The following SUMF1 variants were observed in gnomAD, a reference collection of about 807,000 sequenced individuals.
The protein encoded by SUMF1 is sulfatase modifying factor 1, also known as formylglycine-generating enzyme.
In SUMF1, 48 loss-of-function variants were observed where a neutral mutation model predicts 47.6. The ratio of observed to expected loss-of-function variants is 1.01; its 90% CI spans 0.80 to 1.28. The LOEUF is 1.28. Among genes scored for constraint, SUMF1 ranks in the 50% most tolerant of loss-of-function variants. SUMF1 has a pLI of 0.00. For synonymous variants in SUMF1, 230 were observed against 192.1 expected (o/e 1.20, Z -1.63); for missense variants, 571 against 485.4 (o/e 1.18, Z -1.66).
chr3:4,464,740 G>C (rs573122221), intron 1 of SUMF1, among the ~76,000 whole-genome samples: 3 of 152,302 alleles, frequency 2.0e-5, no homozygotes, highest in South Asian at 4.1e-4. Context: ...AAGGAAAATA[G>C]AGAGATTAAG....
At chr3:4,306,550 T>G (rs1698198767) in intron 8 of SUMF1, among the ~76,000 whole-genome samples, 2 of 152,150 alleles carry the variant, frequency 1.3e-5, no homozygotes, top group South Asian at 4.1e-4. Flanking sequence ...AAAGTTAGAG[T>G]TACAAAAATA....
intron 3 of SUMF1, among the ~76,000 whole-genome samples, chr3:4,430,521 C>T (rs1018670326): frequency 6.6e-6 from 1 of 152,074 alleles, no homozygotes; most frequent in African/African-American, 2.4e-5. Flanking sequence ...ATAACAAGCA[C>T]TCAACATGTA....
chr3:4,410,207 TTGTATACATTC>T (rs1286025227), intron 7 of SUMF1, among the ~76,000 whole-genome samples: 2 of 152,246 alleles, frequency 1.3e-5, no homozygotes, highest in Admixed American at 1.3e-4. Context: ...GTGTCTCAAT[TTGTATACATTC>T]TGCTGGGGTA....
At chr3:4,386,106 T>C (rs144916050) in intron 7 of SUMF1, among the ~76,000 whole-genome samples, 2 of 152,328 alleles carry the variant, frequency 1.3e-5, no homozygotes, top group Non-Finnish European at 2.9e-5. Context: ...GTTTTAGCAA[T>C]TCTAGTTCCT....
At chr3:4,223,729 G>A (rs1289323757) in intron 8 of SUMF1, among the ~76,000 whole-genome samples, 1 of 151,992 alleles carries the variant, frequency 6.6e-6, no homozygotes, top group South Asian at 2.1e-4. Context: ...CTCTCCAAAT[G>A]GTGATTATGT....
At chr3:4,072,242 G>A (rs565159236) in intron 8 of SUMF1, among the ~76,000 whole-genome samples, 4 of 152,148 alleles carry the variant, frequency 2.6e-5, no homozygotes, top group Non-Finnish European at 5.9e-5. Flanking sequence ...CAAGGGGCCT[G>A]ACTGTTAGAA....
intron 8 of SUMF1, among the ~76,000 whole-genome samples, chr3:4,242,565 T>C (rs1337019382): frequency 2.6e-5 from 4 of 152,220 alleles, no homozygotes; most frequent in African/African-American, 9.6e-5. Context: ...GTTTATGTGA[T>C]AGATTATGTT....
At chr3:4,438,652 T>A (rs1271686681) in intron 3 of SUMF1, among the ~76,000 whole-genome samples, 1 of 152,084 alleles carries the variant, frequency 6.6e-6, no homozygotes, top group Non-Finnish European at 1.5e-5. Context: ...TTAATATATA[T>A]AAAGCAAAAC....
intron 8 of SUMF1, among the ~76,000 whole-genome samples, chr3:4,180,859 AAAAT>A (rs1316868555): frequency 6.6e-6 from 1 of 152,040 alleles, no homozygotes; most frequent in African/African-American, 2.4e-5. Flanking sequence ...TCTCAACAAA[AAAAT>A]AAATAAATAA....
At chr3:4,457,019 CATATATATACGTGTGTGTGTAT>C (rs2079666976) in intron 1 of SUMF1, among the ~76,000 whole-genome samples, 3 of 65,020 alleles carry the variant, frequency 4.6e-5, no homozygotes, top group African/African-American at 1.3e-4. Context: ...CGTGTGTGTA[CATATATATACGTGTGTGTGTAT>C]ATATATATAC....
intron 8 of SUMF1, among the ~76,000 whole-genome samples, chr3:4,337,573 T>C (rs1236466343): frequency 6.6e-6 from 1 of 151,990 alleles, no homozygotes; most frequent in Non-Finnish European, 1.5e-5. Flanking sequence ...CTCACCATGG[T>C]ACCTACCTGA....
intron 7 of SUMF1, among the ~76,000 whole-genome samples, chr3:4,401,987 A>G (rs1241122597): frequency 1.3e-5 from 2 of 152,208 alleles, no homozygotes; most frequent in African/African-American, 2.4e-5. Context: ...TTCTTGAAAC[A>G]GCTCTACTGC....
At chr3:4,373,807 CA>C (rs35668363) in intron 8 of SUMF1, among the ~76,000 whole-genome samples, 140,998 of 152,140 alleles carry the variant, frequency 0.93, 65,711 homozygotes, top group Non-Finnish European at 0.98. Flanking sequence ...AAATCAAATC[CA>C]AAAATGTATA....
chr3:4,113,777 G>C (rs527354092), intron 8 of SUMF1, among the ~76,000 whole-genome samples: 1 of 152,012 alleles, frequency 6.6e-6, no homozygotes, highest in African/African-American at 2.4e-5. Flanking sequence ...ATCAGGATCA[G>C]GAAAAAAGGT....
At chr3:4,417,381 A>T (rs1701748318) in intron 5 of SUMF1, 139 bp from the exon 6 acceptor site, 2 of 607,498 alleles carry the variant, frequency 3.3e-6, no homozygotes, top group Non-Finnish European at 5.8e-6. Flanking sequence ...ATAAATAAAT[A>T]AAGCTTTTAA....
intron 8 of SUMF1, among the ~76,000 whole-genome samples, chr3:4,374,823 A>G (rs893377010): frequency 1.3e-5 from 2 of 152,164 alleles, no homozygotes; most frequent in Non-Finnish European, 2.9e-5. Flanking sequence ...GAACATGTAA[A>G]TATATTGGGA....
At chr3:4,132,374 T>A (rs1227165417) in intron 8 of SUMF1, among the ~76,000 whole-genome samples, 1 of 152,140 alleles carries the variant, frequency 6.6e-6, no homozygotes, top group African/African-American at 2.4e-5. Context: ...AACAGTGGAA[T>A]GGCCTTTTGA....
chr3:4,084,183 C>A (rs562361932), intron 8 of SUMF1, among the ~76,000 whole-genome samples: 92 of 152,170 alleles, frequency 6.0e-4, no homozygotes, highest in Non-Finnish European at 1.2e-3. Context: ...TGAGCCTGGG[C>A]AAATTCACAA....
intron 9 of SUMF1, among the ~76,000 whole-genome samples, chr3:4,035,542 C>A (rs1471578439): frequency 6.6e-6 from 1 of 152,124 alleles, no homozygotes; most frequent in Non-Finnish European, 1.5e-5. Context: ...CTGAATAAAA[C>A]CTTTTTTCCA....
Sources: allele counts gnomAD v4.1 joint callset (sites outside exome capture counted in the v4.1 genomes callset), GRCh38; gene constraint gnomAD v4.1.1; transcripts MANE v1.5; gene names NCBI Gene and HGNC (gene_info 2026-07-23, HGNC 2026-07-21).